The following DAB1 variants were observed in gnomAD, a reference collection of about 807,000 sequenced individuals.
The protein encoded by DAB1 is disabled homolog 1.
Under a neutral mutation model 64.6 loss-of-function variants are expected in DAB1, and 15 were observed. The observed-to-expected ratio is 0.23, with a 90% CI of 0.16 to 0.36. DAB1 has a LOEUF of 0.36. Ranked by LOEUF, DAB1 falls within the 10% of genes least tolerant of loss-of-function variation. The pLI, the probability that DAB1 is intolerant of heterozygous loss-of-function variation, is 1.00. For synonymous variants in DAB1, 235 were observed against 251.9 expected (o/e 0.93, Z 0.64); for missense variants, 596 against 706.7 (o/e 0.84, Z 1.78).
At chr1:58,119,966 C>T (rs1652636715) in intron 5 of DAB1, among the ~76,000 whole-genome samples, 1 of 152,168 alleles carries the variant, frequency 6.6e-6, no homozygotes, top group Non-Finnish European at 1.5e-5. Flanking sequence ...TCCTTCCCAC[C>T]CTATCCCCAC....
Position 57,533,306 on chromosome 1 carries a change from C to A in DAB1, n.625+116286G>T, listed in dbSNP as rs112199568. 1.4e-3 allele frequency among the ~76,000 whole-genome samples: 212 copies of A among 151,724 alleles called. 2 individuals carry two copies. Among genetic ancestry groups the A allele is most frequent in the African/African-American group, 4.7e-3 (195 of 41,322 alleles). ...CCTCCACTTTCACTATGCTTCTCAC[C>A]GAGACCCTGTGGATTCTTATACAGA... On this transcript the variant is annotated intron_variant and non_coding_transcript_variant, in intron 7 of 20. Coordinates refer to the DAB1 transcript ENST00000485760.
intron 3 of DAB1, among the ~76,000 whole-genome samples, chr1:58,501,950 C>A (rs567986525): frequency 7.5e-4 from 114 of 151,942 alleles, no homozygotes; most frequent in Non-Finnish European, 1.3e-3. Context: ...GCCCCCAGCA[C>A]CAAATTTATT....
intron 6 of DAB1, among the ~76,000 whole-genome samples, chr1:57,667,294 G>C (rs1318986279): frequency 6.6e-6 from 1 of 152,080 alleles, no homozygotes; most frequent in Non-Finnish European, 1.5e-5. Context: ...AATGTATTCA[G>C]ACCACAGTCA....
chr1:57,625,457 G>C (rs1215356655), intron 7 of DAB1, among the ~76,000 whole-genome samples: 2 of 152,128 alleles, frequency 1.3e-5, no homozygotes, highest in Admixed American at 6.6e-5. Flanking sequence ...GCCCTTGTAG[G>C]CCTCAGGGTT....
At chr1:57,230,335 A>C (rs593396) in intron 2 of DAB1, among the ~76,000 whole-genome samples, 102,730 of 145,486 alleles carry the variant, frequency 0.71, 36,384 homozygotes, top group East Asian at 0.84. Flanking sequence ...AAAAAAAAAA[A>C]AAAACAGCTG....
chr1:57,734,108 G>A (rs1246151716), intron 6 of DAB1, among the ~76,000 whole-genome samples: 2 of 151,362 alleles, frequency 1.3e-5, no homozygotes, highest in Non-Finnish European at 2.9e-5. Flanking sequence ...CAGGAGGCGT[G>A]GATAAAAAAA....
At chr1:58,435,930 C>T (rs965236003) in intron 3 of DAB1, among the ~76,000 whole-genome samples, 3 of 152,216 alleles carry the variant, frequency 2.0e-5, no homozygotes, top group Admixed American at 6.5e-5. Flanking sequence ...GAAAGGGCCA[C>T]CATGGAGTAG....
intron 5 of DAB1, among the ~76,000 whole-genome samples, chr1:58,067,953 T>C (rs907755847): frequency 3.9e-5 from 6 of 152,246 alleles, no homozygotes; most frequent in African/African-American, 9.6e-5. Context: ...AAATTTTATA[T>C]ACTATTGTCA....
chr1:57,411,920 T>C (rs1310963282), intron 1 of DAB1, among the ~76,000 whole-genome samples: 1 of 152,236 alleles, frequency 6.6e-6, no homozygotes, highest in Non-Finnish European at 1.5e-5. Flanking sequence ...TCACAGTTAT[T>C]GCATGTTTTT....
At chr1:57,514,172 A>G (rs11207048) in intron 7 of DAB1, among the ~76,000 whole-genome samples, 10,597 of 152,194 alleles carry the variant, frequency 0.07, 1,134 homozygotes, top group African/African-American at 0.23. Flanking sequence ...TTTTTAAAAT[A>G]CTGATTTCAA....
chr1:57,296,853 T>C (rs1008139475), intron 1 of DAB1, among the ~76,000 whole-genome samples: 2 of 152,140 alleles, frequency 1.3e-5, no homozygotes, highest in African/African-American at 4.8e-5. Flanking sequence ...CAGGCAAGAA[T>C]CATCAACAGA....
At chr1:57,970,568 T>C (rs112390099) in intron 5 of DAB1, among the ~76,000 whole-genome samples, 98 of 152,290 alleles carry the variant, frequency 6.4e-4, no homozygotes, top group African/African-American at 2.3e-3. Flanking sequence ...CTTTTGGAGA[T>C]AATTTCAGCT....
At chr1:57,354,396 C>G (rs942811222) in intron 1 of DAB1, among the ~76,000 whole-genome samples, 15 of 151,986 alleles carry the variant, frequency 9.9e-5, no homozygotes, top group Admixed American at 6.6e-5. Context: ...GTTGACTTTT[C>G]TTTTTGTGAT....
intron 7 of DAB1, among the ~76,000 whole-genome samples, chr1:57,553,410 G>GAAAAAGAAAGAAAGAAAGAAAGAAAGAA (rs879761183): frequency 1.2e-5 from 1 of 85,650 alleles, no homozygotes; most frequent in African/African-American, 6.0e-5. Flanking sequence ...AAGAAAGAAA[G>GAAAAAGAAAGAAAGAAAGAAAGAAAGAA]AAAGAAAGAA....
chr1:57,734,564 C>T (rs1317932264), intron 6 of DAB1, among the ~76,000 whole-genome samples: 1 of 152,118 alleles, frequency 6.6e-6, no homozygotes, highest in African/African-American at 2.4e-5. Flanking sequence ...CCATTCTCCA[C>T]TTTTTTTTCA....
chr1:57,708,585 T>A (rs1646993517), intron 6 of DAB1, among the ~76,000 whole-genome samples: 1 of 152,206 alleles, frequency 6.6e-6, no homozygotes, highest in Non-Finnish European at 1.5e-5. Flanking sequence ...CTTCAGTTAG[T>A]CAGTGGTGAA....
chr1:58,079,059 C>A (rs1649823748), intron 5 of DAB1, among the ~76,000 whole-genome samples: 1 of 152,198 alleles, frequency 6.6e-6, no homozygotes, highest in Non-Finnish European at 1.5e-5. Context: ...TTTTCATCAT[C>A]AGATGATGTG....
intron 5 of DAB1, among the ~76,000 whole-genome samples, chr1:58,075,282 G>A (rs976939956): frequency 2.0e-5 from 3 of 152,128 alleles, no homozygotes; most frequent in Non-Finnish European, 2.9e-5. Context: ...AAATACTCTG[G>A]GATTCCTTAT....
intron 7 of DAB1, among the ~76,000 whole-genome samples, chr1:57,513,388 T>C (rs1377709641): frequency 6.6e-6 from 1 of 152,132 alleles, no homozygotes; most frequent in East Asian, 1.9e-4. Flanking sequence ...AGTACTTATA[T>C]AATAAGCCTG....
Sources: gnomAD v4.1 joint callset for allele counts (sites outside exome capture counted in the v4.1 genomes callset) on GRCh38, gnomAD v4.1.1 for gene constraint, MANE v1.5 for transcripts, NCBI Gene and HGNC (gene_info 2026-07-23, HGNC 2026-07-21) for gene names.